CCDC144A: variants seen among roughly 807,000 people sequenced by gnomAD.
CCDC144A encodes coiled-coil domain-containing protein 144A.
In CCDC144A, 41 loss-of-function variants were observed where a neutral mutation model predicts 143.8. The ratio of observed to expected loss-of-function variants is 0.29; its 90% CI spans 0.22 to 0.37. The LOEUF (loss-of-function observed/expected upper bound fraction) is 0.37. Among genes scored for constraint, CCDC144A ranks in the 10% least tolerant of loss-of-function variants. CCDC144A has a pLI of 1.00. For synonymous variants in CCDC144A, 242 were observed against 517.9 expected (o/e 0.47, Z 7.23); for missense variants, 637 against 1,488.8 (o/e 0.43, Z 9.41).
the CCDC144A span, among the ~76,000 whole-genome samples, chr17:16,667,983 C>T: frequency 1.3e-5 from 2 of 149,434 alleles, no homozygotes; most frequent in Admixed American, 6.7e-5. Context: ...CGCAAAATCA[C>T]TTAGTGATCC....
At chr17:16,710,361 T>C (rs1912331958) in intron 5 of CCDC144A, 1 of 148,606 alleles carries the variant, frequency 6.7e-6, no homozygotes, top group East Asian at 1.9e-4. Context: ...ACCTCATCTC[T>C]TACTAAAAAA....
At chr17:16,679,728 C>G in the CCDC144A span, among the ~76,000 whole-genome samples, 9 of 152,086 alleles carry the variant, frequency 5.9e-5, no homozygotes, top group African/African-American at 1.9e-4. Context: ...AGTATGTTAT[C>G]TTTTAATCTA....
At chr17:16,770,823 T>C (rs1224646919) in intron 15 of CCDC144A, among the ~76,000 whole-genome samples, 3 of 151,852 alleles carry the variant, frequency 2.0e-5, no homozygotes, top group African/African-American at 7.3e-5. Flanking sequence ...GAACCTTAGA[T>C]TTCTGTGGGA....
At chr17:16,771,305 G>T (rs2143413526) in intron 15 of CCDC144A, among the ~76,000 whole-genome samples, 1 of 152,358 alleles carries the variant, frequency 6.6e-6, no homozygotes, top group East Asian at 1.9e-4. Flanking sequence ...AGACACTCAT[G>T]AATCAAAGAA....
rs1915912609 is a variant in CCDC144A, at chr17:16,773,739, C to G, written c.*106C>G. The G allele has an allele frequency of 1.0e-5, 13 of 1,264,690 alleles. No homozygotes were observed. Among genetic ancestry groups the G allele is most frequent in the Middle Eastern group, 2.9e-4 (1 of 3,466 alleles). 78.3% of individuals were successfully genotyped at this position (1,264,690 alleles called of 1,614,324 possible). On this transcript the variant is annotated 3_prime_UTR_variant, in exon 17 of 17. Transcript: ENST00000399273. ...GGGAAATATTCTATATTATACATGT[C>G]TGATGAAAATTTATATAGTATTTTA...
In CCDC144A at chr17:16,690,393, C is replaced by T. The variant is rs1475878406; in HGVS notation, c.-8C>T. The T allele has an allele frequency of 2.0e-6, 3 of 1,521,870 alleles. No homozygotes were observed. Among genetic ancestry groups the T allele is most frequent in the Non-Finnish European group, 2.6e-6 (3 of 1,134,366 alleles). 94.3% of individuals were successfully genotyped at this position (1,521,870 alleles called of 1,614,324 possible). A position where few individuals can be genotyped will look rare whatever the true frequency, so the allele number is the denominator to read the frequency against. On this transcript the variant is annotated 5_prime_UTR_variant, in exon 1 of 17. Coordinates refer to ENST00000399273, the MANE Select transcript of CCDC144A (RefSeq NM_001382000.1). ...GGAGGTTGTGGCCGAGGCAGTAGCT[C>T]GCTACTGATGGCCTCCTGGGGTGGA...
At chr17:16,716,443 T>C in intron 6 of CCDC144A, among the ~76,000 whole-genome samples, 1 of 152,010 alleles carries the variant, frequency 6.6e-6, no homozygotes, top group Non-Finnish European at 1.5e-5. Context: ...GTTTACTTCA[T>C]AAAAAAGTAA....
chr17:16,729,991 T>TATATATATATATATATATACTCACAC, intron 9 of CCDC144A, among the ~76,000 whole-genome samples: 1 of 114,886 alleles, frequency 8.7e-6, no homozygotes, highest in Non-Finnish European at 1.9e-5. Flanking sequence ...TATATATATA[T>TATATATATATATATATATACTCACAC]ACACACATAC....
chr17:16,759,863 T>C (rs1915280169), intron 12 of CCDC144A, among the ~76,000 whole-genome samples: 1 of 152,252 alleles, frequency 6.6e-6, no homozygotes, highest in Non-Finnish European at 1.5e-5. Context: ...ACATCTATTT[T>C]GTTCACAATC....
At chr17:16,723,347 A>G (rs1913203164) in intron 8 of CCDC144A, among the ~76,000 whole-genome samples, 1 of 151,948 alleles carries the variant, frequency 6.6e-6, no homozygotes, top group African/African-American at 2.4e-5. Context: ...TCATATTACT[A>G]TGTTTCTGAA....
At chr17:16,745,580 C>T in intron 12 of CCDC144A, 1 of 1,516,668 alleles carries the variant, frequency 6.6e-7, no homozygotes, top group Non-Finnish European at 9.0e-7. Flanking sequence ...GTCATTTACA[C>T]GTTTCTGGGA....
intron 12 of CCDC144A, chr17:16,746,861 T>A: frequency 1.5e-6 from 1 of 687,754 alleles, no homozygotes; most frequent in South Asian, 1.6e-5. Context: ...CGCCCCTCCC[T>A]CCTCTCCCTT....
At chr17:16,762,729 G>A (rs984199471) in intron 14 of CCDC144A, among the ~76,000 whole-genome samples, 196 bp downstream of exon 14, 3 of 152,090 alleles carry the variant, frequency 2.0e-5, no homozygotes, top group Non-Finnish European at 2.9e-5. Context: ...GTAAATGAAC[G>A]TAACCTTTAA....
chr17:16,728,142 C>T (rs1913522608), intron 9 of CCDC144A, among the ~76,000 whole-genome samples: 1 of 152,190 alleles, frequency 6.6e-6, no homozygotes, highest in African/African-American at 2.4e-5. Flanking sequence ...TGAACTCCAT[C>T]CTCCTGCCTC....
chr17:16,750,752 CT>C (rs1914751928), intron 12 of CCDC144A, among the ~76,000 whole-genome samples: 1 of 151,734 alleles, frequency 6.6e-6, no homozygotes, highest in Non-Finnish European at 1.5e-5. Context: ...ATGGTTTTTT[CT>C]TTATTTTTGT....
intron 2 of CCDC144A, among the ~76,000 whole-genome samples, chr17:16,696,731 A>G (rs368905331): frequency 0.014 from 2,157 of 151,784 alleles, 53 homozygotes; most frequent in African/African-American, 0.048. Flanking sequence ...GCTTTGGGCT[A>G]TAAATACTAG....
rs753137349 is a variant in CCDC144A at position 16,734,858 on chromosome 17, C to T, written c.2587C>T (p.Leu863Phe). ...GGCTGTGAAAGAAAAGAATGATAAC[C>T]TTCAAAAAATTATAAAACTAAATGA... is the stretch of plus-strand genomic sequence containing the variant. Reference protein sequence around the residue: ...IEAVKEKNDNLQKIIKLNEET... With the variant: ...IEAVKEKNDNFQKIIKLNEET... Residue 863 changes from leucine to phenylalanine, a missense_variant, in exon 12 of 17, where the codon CTT (leucine) becomes TTT (phenylalanine). Leu to Phe is a conservative substitution (Grantham distance 22). Transcript: ENST00000399273. 6.4e-7 allele frequency: 1 copy of T among 1,567,098 alleles called. No homozygotes were observed. Among genetic ancestry groups the T allele is most frequent in the Non-Finnish European group, 8.6e-7 (1 of 1,158,728 alleles).
chr17:16,703,606 C>T (rs1368044558), intron 2 of CCDC144A, among the ~76,000 whole-genome samples: 1 of 152,256 alleles, frequency 6.6e-6, no homozygotes, highest in South Asian at 2.1e-4. Context: ...AGATCGAGAC[C>T]ATCCTGGCTA....
In CCDC144A at chr17:16,772,122, A is replaced by G. The variant is rs577247766; in HGVS notation, c.4141+103A>G. The stretch of plus-strand genomic sequence containing the variant: ...CCGTTCTTGGGCTAGTAGATACTAC[A>G]TTAAATATTCTTTCATATACATCTA... On this transcript the variant is annotated intron_variant, in intron 16 of 16. Transcript: ENST00000399273. 78 of 679,176 alleles carry G rather than the reference A, an allele frequency of 1.1e-4. No homozygotes were observed. The South Asian group carries it at 1.5e-3, about 13-fold the overall frequency. The allele number at this position is 679,176 out of a possible 1,614,324, so 42.1% of individuals were successfully genotyped here.
Sources: allele counts gnomAD v4.1 joint callset (sites outside exome capture counted in the v4.1 genomes callset), GRCh38; gene constraint gnomAD v4.1.1; transcripts MANE v1.5; gene names NCBI Gene and HGNC (gene_info 2026-07-23, HGNC 2026-07-21).